The following RGL3 variants were observed in gnomAD, a reference collection of about 807,000 sequenced individuals.
The protein encoded by RGL3 is ral guanine nucleotide dissociation stimulator-like 3.
In RGL3, 85 loss-of-function variants were observed where a neutral mutation model predicts 90.6. That is an observed-to-expected ratio of 0.94 (90% CI 0.79 to 1.12). The LOEUF is 1.12. Ranked by LOEUF, RGL3 falls within the 50% of genes most tolerant of loss-of-function variation. The pLI is 0.00. For missense variants in RGL3, 1,034 were observed against 939.2 expected (o/e 1.10, Z -1.32); for synonymous variants, 408 against 385.5 (o/e 1.06, Z -0.68).
chr19:11,418,760 C>T lies in RGL3; in HGVS notation c.58G>A (p.Glu20Lys). ...CTGTACACCGCGCCGTCCTCGGTCTCTTCACCCCAGTCCTGCAGCGGTGCC... is the reference window on the plus strand; with the variant it reads ...CTGTACACCGCGCCGTCCTCGGTCTTTTCACCCCAGTCCTGCAGCGGTGCC... ...ALAPLQDWGE[E>K]TEDGAVYSVS... The change falls in exon 2 of 19, where the codon GAG (glutamate) becomes AAG (lysine). Residue 20 changes from glutamate to lysine, a missense_variant. By Grantham distance (56) the Glu-to-Lys change is moderately conservative (BLOSUM62 1). Transcript: ENST00000380456. 11 of 1,568,550 alleles carry T rather than the reference C, an allele frequency of 7.0e-6. No homozygotes were observed. The highest frequency in any genetic ancestry group is 8.6e-6 in the Non-Finnish European group (10 of 1,160,940).
At chr19:11,401,678 G>C (rs1968678541) in intron 13 of RGL3, among the ~76,000 whole-genome samples, 1 of 151,818 alleles carries the variant, frequency 6.6e-6, no homozygotes, top group Non-Finnish European at 1.5e-5. Flanking sequence ...TGGGATTACA[G>C]GTGTGAGCCA....
chr19:11,397,323 C>T lies in RGL3; in HGVS notation c.1935G>A (p.Arg645=). The T allele has an allele frequency of 6.2e-7, 1 of 1,609,676 alleles. No individual in the cohort carries two copies. Among genetic ancestry groups the T allele is most frequent in the Non-Finnish European group, 8.5e-7 (1 of 1,177,868 alleles). The change falls in exon 18 of 19, where the codon CGG becomes CGA. Residue 645 remains arginine (R), a synonymous_variant. Transcript: ENST00000380456. ...GCACATTGTGCTTCTGCAAGGCTCG[C>T]CGGACCACGCTGGGGGCTTTGTCCT... ...TSQDKAPSVV[R]RALQKHNVPQ...
Position 11,394,471 on chromosome 19 carries a change from G to T in RGL3, c.2064C>A (p.Val688=). ...GCCGCAGCATGAAGTCTCTGGGGGC[G>T]ACTGGACTCATGGCATAGAAGACGT... The part of the protein sequence containing the change: ...NANVFYAMSP[V]APRDFMLRRK... The change falls in exon 19 of 19, where the codon GTC becomes GTA. Residue 688 remains valine, a synonymous_variant. Coordinates refer to ENST00000380456, the MANE Select transcript of RGL3 (RefSeq NM_001035223.4). The T allele has an allele frequency of 5.0e-6, 8 of 1,614,022 alleles. No individual in the cohort carries two copies. Among genetic ancestry groups the T allele is most frequent in the Non-Finnish European group, 6.8e-6 (8 of 1,179,996 alleles).
At chr19:11,400,622 C>T (rs1342296645) in intron 13 of RGL3, among the ~76,000 whole-genome samples, 3 of 151,510 alleles carry the variant, frequency 2.0e-5, no homozygotes, top group Non-Finnish European at 2.9e-5. Flanking sequence ...GAGGCTGAGG[C>T]GAGAGGATTG....
intron 5 of RGL3, among the ~76,000 whole-genome samples, chr19:11,414,155 A>ATATATATATATATACACACC (rs1568341461): frequency 1.4e-4 from 12 of 88,018 alleles, no homozygotes; most frequent in Non-Finnish European, 1.7e-4. Flanking sequence ...ATATATATAT[A>ATATATATATATATACACACC]TATATATATA....
Position 11,406,752 on chromosome 19 carries a change from C to A in RGL3, c.750G>T (p.Glu250Asp). ...GPQLLDFSVD[E>D]VAEQLTLIDL... ...CTATGAGGGTCAGCTGCTCGGCCACCTCGTCCACGCTGAAGTCCAGGAGCT... is the reference window on the plus strand; with the variant it reads ...CTATGAGGGTCAGCTGCTCGGCCACATCGTCCACGCTGAAGTCCAGGAGCT... The change falls in exon 6 of 19, where the codon GAG (glutamate) becomes GAT (aspartate). Residue 250 changes from glutamate to aspartate, a missense_variant. Physicochemically the swap from Glu to Asp is conservative, Grantham distance 45. Coordinates refer to ENST00000380456, the MANE Select transcript of RGL3 (RefSeq NM_001035223.4). 1 of 1,614,076 alleles carries A rather than the reference C, an allele frequency of 6.2e-7. No individual in the cohort carries two copies.
At chr19:11,410,499 T>C (rs1968856157) in intron 5 of RGL3, among the ~76,000 whole-genome samples, 1 of 151,782 alleles carries the variant, frequency 6.6e-6, no homozygotes, top group Non-Finnish European at 1.5e-5. Flanking sequence ...CTGGGCGGCG[T>C]AGTGAGACCC....
chr19:11,416,256 T>G (rs1968995756), intron 4 of RGL3, 108 bp from the exon 5 acceptor site: 1 of 870,236 alleles, frequency 1.1e-6, no homozygotes, highest in South Asian at 2.1e-5. Context: ...TCTTACTGTG[T>G]CACCAAGGCT....
Position 11,402,079 on chromosome 19 carries a change from G to T in RGL3, c.1416C>A (p.Tyr472Ter), listed in dbSNP as rs762588836. Reference protein sequence around the residue: ...IQQLQRRCQSYTLSPHPPILA... With the variant: ...IQQLQRRCQS Reference sequence around the variant, plus strand: ...GGATGGGCGGGTGGGGGCTCAGGGTGTAGCTCTGACAGCGCCTCTGCAGCT... The same window carrying T: ...GGATGGGCGGGTGGGGGCTCAGGGTTTAGCTCTGACAGCGCCTCTGCAGCT... The change falls in exon 13 of 19, where the codon TAC (tyrosine) becomes TAA (stop). Residue 472 changes from tyrosine (Y) to a stop codon, truncating the protein, a stop_gained. Coordinates refer to ENST00000380456, the MANE Select transcript of RGL3 (RefSeq NM_001035223.4). LOFTEE classifies it high-confidence loss of function. The T allele has an allele frequency of 7.5e-6, 12 of 1,590,654 alleles. No homozygotes were observed. The Admixed American group carries it at 2.0e-4, about 27-fold the overall frequency.
At chr19:11,402,165 C>T (rs1437964719) in intron 12 of RGL3, 33 bp from the exon 13 acceptor site, 1 of 886,864 alleles carries the variant, frequency 1.1e-6, no homozygotes, top group Non-Finnish European at 1.9e-6. Flanking sequence ...CCTACCCCTG[C>T]CCCACCCCCA....
In RGL3 at chr19:11,405,414, G is replaced by C. The variant is rs769589453; in HGVS notation, c.1009C>G (p.Leu337Val). ...GCGCGCAAGGAGGAGAAGTTCCGCA[G>C]TTCTCGGCAGCGCTGCCAGGCGGTG... The part of the protein sequence containing the change: ...WIRIAQRCRE[L>V]RNFSSLRAIL... Residue 337 changes from leucine to valine, a missense_variant, in exon 8 of 19, where the codon CTG becomes GTG. Leu to Val is a conservative substitution (Grantham distance 32). Transcript: ENST00000380456. The C allele has an allele frequency of 1.3e-6, 2 of 1,541,788 alleles. No homozygotes were observed.
Position 11,405,137 on chromosome 19 carries a change from C to A in RGL3, c.1185+10G>T. Reference sequence around the variant, plus strand: ...GGCCTAAAATCCCTGGAGTCTGCATCCATCTCTACCTGGAAAAGAATCTCT... The same window carrying A: ...GGCCTAAAATCCCTGGAGTCTGCATACATCTCTACCTGGAAAAGAATCTCT... On this transcript the variant is annotated intron_variant, in intron 9 of 18. Transcript: ENST00000380456. The A allele has an allele frequency of 2.5e-6, 4 of 1,612,830 alleles. No individual in the cohort carries two copies. The South Asian group carries it at 4.4e-5, about 18-fold the overall frequency.
In RGL3 at chr19:11,397,276, T is replaced by C. The variant is rs753542271; in HGVS notation, c.1982A>G (p.Tyr661Cys). The C allele has an allele frequency of 8.7e-6, 14 of 1,613,878 alleles. No individual in the cohort carries two copies. Among genetic ancestry groups the C allele is most frequent in the East Asian group, 6.7e-5 (3 of 44,884 alleles). Residue 661 changes from tyrosine to cysteine, a missense_variant, in exon 18 of 19, where the codon TAT becomes TGT. Physicochemically the swap from Tyr to Cys is radical, Grantham distance 194. Coordinates refer to ENST00000380456, the MANE Select transcript of RGL3 (RefSeq NM_001035223.4). ...CCCAGGAAGGACTTGAAAGAGCTGA[T>C]AGTCACAGGCCCAGGGCTGGGGCAC... ...HNVPQPWACD[Y>C]QLFQVLPGDR...
chr19:11,416,631 G>A lies in RGL3; in HGVS notation c.408C>T (p.Ser136=). The A allele has an allele frequency of 6.2e-7, 1 of 1,614,110 alleles. No homozygotes were observed. The highest frequency in any genetic ancestry group is 8.5e-7 in the Non-Finnish European group (1 of 1,179,990). ...GGACCCACCTCAGGTTCTTGTTGAA[G>A]CTCAGATCTTGTACCGCTGTCTTCT... ...EIKKTAVQDL[S]FNKNLRAVVS... Residue 136 remains serine, a synonymous_variant, in exon 4 of 19, where the codon AGC becomes AGT. Transcript: ENST00000380456.
intron 5 of RGL3, among the ~76,000 whole-genome samples, chr19:11,408,204 G>A (rs892747480): frequency 2.6e-5 from 4 of 152,224 alleles, no homozygotes; most frequent in African/African-American, 7.2e-5. Context: ...GGGCTCAAGC[G>A]ATCCTCCCTC....
chr19:11,413,752 T>G (rs944184511), intron 5 of RGL3, among the ~76,000 whole-genome samples: 2 of 145,428 alleles, frequency 1.4e-5, no homozygotes, highest in Non-Finnish European at 3.0e-5. Flanking sequence ...GTTTTTTGGT[T>G]TTTTTTTTTT....
chr19:11,416,880 C>A lies in RGL3; in HGVS notation c.327G>T (p.Leu109=). 6.2e-7 allele frequency: 1 copy of A among 1,614,016 alleles called. No individual in the cohort carries two copies. Among genetic ancestry groups the A allele is most frequent in the Non-Finnish European group, 8.5e-7 (1 of 1,179,964 alleles). The change falls in exon 3 of 19, where the codon CTG becomes CTT. Residue 109 remains leucine, a synonymous_variant. Coordinates refer to ENST00000380456, the MANE Select transcript of RGL3 (RefSeq NM_001035223.4). The part of the protein sequence containing the change: ...TYRTFVPTAC[L]LGFLLPPMPP... ...GCATTGGTGGCAGCAGAAAGCCCAG[C>A]AGGCAGGCAGTGGGTACAAAGGTCC... is the stretch of plus-strand genomic sequence containing the variant.
At position 11,400,296 on chromosome 19, in the gene RGL3, AGC is replaced by A. The variant is rs569391682; in HGVS notation, c.1485-1_1485del. The A allele has an allele frequency of 3.4e-4, 539 of 1,581,604 alleles. 7 individuals are homozygous for A. The South Asian group carries it at 5.9e-3, about 17-fold the overall frequency. ...GGCTCAATGACCCGGGAGAGCCGGT[AGC>A]TGAGGGGTCAATATGTGGATGAGGT... On this transcript the variant is annotated splice_acceptor_variant and coding_sequence_variant, in exon 14 of 19. Transcript: ENST00000380456. LOFTEE classifies it high-confidence loss of function.
In RGL3 at chr19:11,405,134, C is replaced by T. The variant is rs199984852; in HGVS notation, c.1185+13G>A. The T allele has an allele frequency of 1.5e-4, 236 of 1,611,868 alleles. No homozygotes were observed. The highest frequency in any genetic ancestry group is 1.3e-3 in the Middle Eastern group (8 of 6,054). On this transcript the variant is annotated intron_variant, in intron 9 of 18. Transcript: ENST00000380456. ...CCGGGCCTAAAATCCCTGGAGTCTGCATCCATCTCTACCTGGAAAAGAATC... is the reference window on the plus strand; with the variant it reads ...CCGGGCCTAAAATCCCTGGAGTCTGTATCCATCTCTACCTGGAAAAGAATC...
Sources: gnomAD v4.1 joint callset for allele counts (sites outside exome capture counted in the v4.1 genomes callset) on GRCh38, gnomAD v4.1.1 for gene constraint, MANE v1.5 for transcripts, NCBI Gene and HGNC (gene_info 2026-07-23, HGNC 2026-07-21) for gene names.